FHIT: variants seen among roughly 807,000 people sequenced by gnomAD.
The protein encoded by FHIT is bis(5'-adenosyl)-triphosphatase.
A neutral mutation model predicts 17.9 loss-of-function variants in FHIT; 19 were observed. The ratio of observed to expected loss-of-function variants is 1.06; its 90% confidence interval spans 0.74 to 1.56. The LOEUF is 1.56. Among genes scored for constraint, FHIT ranks in the 40% most tolerant of loss-of-function variants. The pLI, the probability that FHIT is intolerant of heterozygous loss-of-function variation, is 0.00. For missense variants in FHIT, 248 were observed against 189.2 expected, an observed-to-expected ratio of 1.31 and a Z score of -1.82; for synonymous variants, 81 against 69.7, an observed-to-expected ratio of 1.16 and a Z score of -0.81.
intron 2 of FHIT, among the ~76,000 whole-genome samples, chr3:61,106,757 T>C (rs2036001929): frequency 6.6e-6 from 1 of 152,106 alleles, no homozygotes; most frequent in East Asian, 1.9e-4. Context: ...ACCTCCTGGG[T>C]CCAAGTGATT....
chr3:60,929,610 C>T (rs1460785215), intron 3 of FHIT, among the ~76,000 whole-genome samples: 7 of 152,100 alleles, frequency 4.6e-5, no homozygotes, highest in African/African-American at 1.2e-4. Context: ...CTCCCATTCA[C>T]AATTGCTTCA....
intron 5 of FHIT, among the ~76,000 whole-genome samples, chr3:60,488,707 A>C (rs182707891): frequency 1.5e-3 from 221 of 152,268 alleles, no homozygotes; most frequent in African/African-American, 5.1e-3. Flanking sequence ...AGTATACATA[A>C]ATATTTAAGT....
chr3:60,192,250 C>CA (rs71089591), intron 5 of FHIT, among the ~76,000 whole-genome samples: 61,237 of 121,398 alleles, frequency 0.5, 15,711 homozygotes, highest in East Asian at 0.93. Context: ...CACTATGTCT[C>CA]AAAAAAAAAA....
intron 7 of FHIT, among the ~76,000 whole-genome samples, chr3:59,968,477 A>G (rs79512996): frequency 2.6e-5 from 4 of 151,996 alleles, no homozygotes; most frequent in Non-Finnish European, 5.9e-5. Context: ...GAAAAAAAAA[A>G]TAGTTGTACC....
intron 4 of FHIT, among the ~76,000 whole-genome samples, chr3:60,758,763 C>T (rs1699535471): frequency 6.6e-6 from 1 of 152,022 alleles, no homozygotes; most frequent in Non-Finnish European, 1.5e-5. Flanking sequence ...AGAGCAGAGA[C>T]CAAAACAAAA....
At chr3:60,051,491 C>T (rs1245567455) in intron 5 of FHIT, among the ~76,000 whole-genome samples, 9 of 152,040 alleles carry the variant, frequency 5.9e-5, no homozygotes, top group Non-Finnish European at 1.3e-4. Flanking sequence ...CAAAGACTAC[C>T]TAGAACAGGG....
intron 4 of FHIT, among the ~76,000 whole-genome samples, chr3:60,552,244 A>G (rs145029431): frequency 6.6e-6 from 1 of 152,166 alleles, no homozygotes; most frequent in Non-Finnish European, 1.5e-5. Context: ...GTTGATGGAC[A>G]TTTGTTACTA....
intron 3 of FHIT, among the ~76,000 whole-genome samples, chr3:61,026,620 C>G (rs754022140): frequency 2.0e-5 from 3 of 151,992 alleles, no homozygotes; most frequent in African/African-American, 7.3e-5. Flanking sequence ...AACACAAAAT[C>G]CTAAACTCTC....
intron 8 of FHIT, among the ~76,000 whole-genome samples, chr3:59,858,886 C>T (rs1702289643): frequency 6.6e-6 from 1 of 152,076 alleles, no homozygotes; most frequent in Admixed American, 6.6e-5. Flanking sequence ...TATGTGTAAA[C>T]ATATACACAT....
intron 5 of FHIT, among the ~76,000 whole-genome samples, chr3:60,418,529 A>G (rs1016789337): frequency 1.6e-4 from 23 of 145,456 alleles, no homozygotes; most frequent in Admixed American, 7.7e-4. Flanking sequence ...CAGTTAACTG[A>G]AAGTCAACTA....
chr3:59,809,638 G>A (rs1044692590), intron 8 of FHIT, among the ~76,000 whole-genome samples: 3 of 152,142 alleles, frequency 2.0e-5, no homozygotes, highest in African/African-American at 4.8e-5. Flanking sequence ...TTCTGAACAC[G>A]GGTTTAGAAA....
chr3:59,793,870 T>G (rs138802736), intron 8 of FHIT, among the ~76,000 whole-genome samples: 41 of 152,290 alleles, frequency 2.7e-4, no homozygotes, highest in Non-Finnish European at 5.3e-4. Flanking sequence ...ATAGGGGTTG[T>G]CATTTTCTCC....
At chr3:60,067,191 G>C (rs1056999244) in intron 5 of FHIT, among the ~76,000 whole-genome samples, 1 of 152,104 alleles carries the variant, frequency 6.6e-6, no homozygotes, top group Non-Finnish European at 1.5e-5. Context: ...AAAGTAGATA[G>C]CAAATATATT....
chr3:60,619,690 A>C (rs1553677606), intron 4 of FHIT, among the ~76,000 whole-genome samples: 3 of 151,742 alleles, frequency 2.0e-5, no homozygotes, highest in Admixed American at 6.6e-5. Context: ...ACAGACCTAA[A>C]TGTAAAATGT....
chr3:60,610,056 CCA>C (rs1346838531), intron 4 of FHIT, among the ~76,000 whole-genome samples: 6 of 152,150 alleles, frequency 3.9e-5, no homozygotes, highest in African/African-American at 1.4e-4. Context: ...TAGCTAGAGA[CCA>C]CACAGTAAAT....
At chr3:60,240,306 C>T (rs879491553) in intron 5 of FHIT, among the ~76,000 whole-genome samples, 7 of 152,106 alleles carry the variant, frequency 4.6e-5, no homozygotes, top group Non-Finnish European at 1.0e-4. Flanking sequence ...TATTTCTGTT[C>T]CTGATACCTA....
At chr3:60,375,802 G>T (rs545461740) in intron 5 of FHIT, among the ~76,000 whole-genome samples, 1 of 151,924 alleles carries the variant, frequency 6.6e-6, no homozygotes, top group East Asian at 1.9e-4. Flanking sequence ...TCTGTAGAAA[G>T]ACCTTCCCAG....
intron 5 of FHIT, among the ~76,000 whole-genome samples, chr3:60,164,090 T>C (rs1010612359): frequency 1.3e-5 from 2 of 152,132 alleles, no homozygotes. Flanking sequence ...TAAAAAAGGT[T>C]TGGTGGGAGA....
At chr3:59,827,096 C>A (rs1701004522) in intron 8 of FHIT, among the ~76,000 whole-genome samples, 1 of 152,210 alleles carries the variant, frequency 6.6e-6, no homozygotes, top group African/African-American at 2.4e-5. Context: ...TTGAGCCTGA[C>A]TTCATGCCAT....
Sources: gnomAD v4.1 joint callset for allele counts (sites outside exome capture counted in the v4.1 genomes callset) on GRCh38, gnomAD v4.1.1 for gene constraint, MANE v1.5 for transcripts, NCBI Gene and HGNC (gene_info 2026-07-23, HGNC 2026-07-21) for gene names.